Variants in PDE7B observed in about 807,000 individuals in gnomAD.
The protein encoded by PDE7B is 3',5'-cyclic-AMP phosphodiesterase 7B.
In PDE7B, 29 loss-of-function variants were observed where a neutral mutation model predicts 56.2. That is an observed-to-expected ratio of 0.52 (90% confidence interval 0.38 to 0.70). PDE7B has a LOEUF of 0.70. Among genes scored for constraint, PDE7B ranks in the 30% least tolerant of loss-of-function variants. The pLI is 0.00. For missense variants in PDE7B, 490 were observed against 565.0 expected, an observed-to-expected ratio of 0.87 and a Z score of 1.35; for synonymous variants, 197 against 196.9, an observed-to-expected ratio of 1.00 and a Z score of 0.00.
chr6:136,113,643 G>A (rs1054328300), intron 3 of PDE7B, among the ~76,000 whole-genome samples: 3 of 152,160 alleles, frequency 2.0e-5, no homozygotes, highest in Admixed American at 6.5e-5. Context: ...CTGGAGGGAC[G>A]GAAAAGTAAC....
intron 3 of PDE7B, among the ~76,000 whole-genome samples, chr6:136,110,495 C>T (rs1777725461): frequency 6.6e-6 from 1 of 152,110 alleles, no homozygotes; most frequent in African/African-American, 2.4e-5. Context: ...AACCGAAAGG[C>T]CTCTTTTCAA....
At chr6:135,862,787 C>T (rs1775175561) in intron 1 of PDE7B, among the ~76,000 whole-genome samples, 1 of 151,686 alleles carries the variant, frequency 6.6e-6, no homozygotes, top group Non-Finnish European at 1.5e-5. Context: ...AGTGTTTCTT[C>T]TTTTTGAATA....
At chr6:135,855,700 C>G (rs1775013768) in intron 1 of PDE7B, among the ~76,000 whole-genome samples, 1 of 152,120 alleles carries the variant, frequency 6.6e-6, no homozygotes, top group African/African-American at 2.4e-5. Flanking sequence ...CTTCATCATT[C>G]CTTGAACTTA....
intron 2 of PDE7B, chr6:136,038,199 G>GCAA: frequency 2.3e-6 from 3 of 1,299,406 alleles, no homozygotes; most frequent in Non-Finnish European, 2.0e-6. Context: ...AGCAGCAGCA[G>GCAA]CAGCAGAAGC....
In PDE7B at chr6:135,869,062, G is replaced by A. The variant is rs80187916; in HGVS notation, c.21+17043G>A. On this transcript the variant is annotated intron_variant, in intron 1 of 12. Transcript: ENST00000308191. ...ATCAGCAATTTCATATGGCCCAATC[G>A]TGTGTGTGTATGTATACTTGTACAC... 3.5e-3 allele frequency among the ~76,000 whole-genome samples: 531 copies of A among 152,044 alleles called. 3 individuals carry two copies. Among genetic ancestry groups the A allele is most frequent in the African/African-American group, 0.012 (502 of 41,498 alleles).
intron 2 of PDE7B, among the ~76,000 whole-genome samples, chr6:136,003,911 T>A (rs1775722400): frequency 6.6e-6 from 1 of 152,116 alleles, no homozygotes; most frequent in African/African-American, 2.4e-5. Context: ...AAAGAGAATT[T>A]TAGACCAATA....
chr6:136,039,903 A>C (rs1009748285), intron 2 of PDE7B, among the ~76,000 whole-genome samples: 3 of 152,212 alleles, frequency 2.0e-5, no homozygotes, highest in African/African-American at 7.2e-5. Flanking sequence ...CAGTCAATTA[A>C]ATGATTAAAA....
intron 1 of PDE7B, among the ~76,000 whole-genome samples, chr6:135,911,101 G>C (rs1776204558): frequency 6.6e-6 from 1 of 152,122 alleles, no homozygotes; most frequent in Non-Finnish European, 1.5e-5. Flanking sequence ...AAAAACATTT[G>C]GCTATAAAAA....
chr6:135,957,670 C>T (rs1031054172), intron 2 of PDE7B, among the ~76,000 whole-genome samples: 15 of 152,080 alleles, frequency 9.9e-5, no homozygotes, highest in African/African-American at 3.4e-4. Flanking sequence ...TTTCTAGCAC[C>T]CTGTGTTGGC....
At chr6:135,962,361 A>T (rs1020585832) in intron 2 of PDE7B, among the ~76,000 whole-genome samples, 2 of 152,154 alleles carry the variant, frequency 1.3e-5, no homozygotes, top group Non-Finnish European at 2.9e-5. Context: ...GGGTATGTGC[A>T]GGTGGGGAGG....
At chr6:135,961,281 A>ATGTGTG (rs771473679) in intron 2 of PDE7B, among the ~76,000 whole-genome samples, 280 of 89,494 alleles carry the variant, frequency 3.1e-3, no homozygotes, top group South Asian at 0.01. Flanking sequence ...GTGTGTGTGT[A>ATGTGTG]TGTGTGTGTG....
intron 1 of PDE7B, among the ~76,000 whole-genome samples, chr6:135,896,979 C>T (rs1775913389): frequency 1.3e-5 from 2 of 152,156 alleles, no homozygotes; most frequent in Non-Finnish European, 2.9e-5. Flanking sequence ...GCACCTCCTC[C>T]TCTTTCCAGA....
chr6:136,182,217 C>T (rs1228915457), intron 11 of PDE7B, among the ~76,000 whole-genome samples: 3 of 152,178 alleles, frequency 2.0e-5, no homozygotes, highest in African/African-American at 7.2e-5. Context: ...ATTGATTGAG[C>T]TCATGTGGGG....
chr6:136,178,184 G>C (rs1039066202), intron 9 of PDE7B, among the ~76,000 whole-genome samples: 4 of 152,212 alleles, frequency 2.6e-5, no homozygotes, highest in Non-Finnish European at 5.9e-5. Flanking sequence ...GGGATGTGAT[G>C]AGACAGGCAA....
chr6:135,912,050 T>C (rs1006621218), intron 1 of PDE7B, among the ~76,000 whole-genome samples: 2 of 152,180 alleles, frequency 1.3e-5, no homozygotes, highest in East Asian at 3.8e-4. Context: ...TTTCCAAAAG[T>C]AAATAGTGTA....
chr6:135,911,365 A>T (rs1261202295), intron 1 of PDE7B, among the ~76,000 whole-genome samples: 3 of 152,206 alleles, frequency 2.0e-5, no homozygotes, highest in African/African-American at 7.2e-5. Context: ...ACCACACATC[A>T]TATATTTCTT....
At chr6:136,056,453 T>G (rs140672466) in intron 2 of PDE7B, among the ~76,000 whole-genome samples, 1 of 151,500 alleles carries the variant, frequency 6.6e-6, no homozygotes, top group East Asian at 1.9e-4. Flanking sequence ...GCTGAAAAGT[T>G]AGTTAGAGGC....
At chr6:135,915,938 G>A (rs1773923213) in intron 1 of PDE7B, among the ~76,000 whole-genome samples, 1 of 152,162 alleles carries the variant, frequency 6.6e-6, no homozygotes, top group Non-Finnish European at 1.5e-5. Context: ...ACCACAATTT[G>A]TTTAGCCATT....
At chr6:135,897,968 G>A (rs1486033119) in intron 1 of PDE7B, among the ~76,000 whole-genome samples, 1 of 152,170 alleles carries the variant, frequency 6.6e-6, no homozygotes, top group Non-Finnish European at 1.5e-5. Context: ...TCACATCCAG[G>A]TTTAAGGCAT....
Sources: gnomAD v4.1 joint callset for allele counts (sites outside exome capture counted in the v4.1 genomes callset) on GRCh38, gnomAD v4.1.1 for gene constraint, MANE v1.5 for transcripts, NCBI Gene and HGNC (gene_info 2026-07-23, HGNC 2026-07-21) for gene names.